The following AGBL4 variants were observed in gnomAD, a reference collection of about 807,000 sequenced individuals.
AGBL4 encodes AGBL carboxypeptidase 4.
In AGBL4, 58 loss-of-function variants were observed where a neutral mutation model predicts 66.4. That is an observed-to-expected ratio of 0.87 (90% CI 0.71 to 1.09). AGBL4 has a LOEUF of 1.09. AGBL4 is among the 50% of genes least tolerant of loss of function. The probability of loss-of-function intolerance (pLI) is 0.00; values close to 1 mark genes in which losing one functional copy is unlikely to be tolerated. For synonymous variants in AGBL4, 234 were observed against 222.9 expected (o/e 1.05, Z -0.44); for missense variants, 579 against 631.0 (o/e 0.92, Z 0.88).
chr1:49,804,055 T>C (rs1164752208), intron 2 of AGBL4, among the ~76,000 whole-genome samples: 1 of 152,184 alleles, frequency 6.6e-6, no homozygotes. Flanking sequence ...CTTACCTGGT[T>C]GGAATTTTTT....
intron 3 of AGBL4, among the ~76,000 whole-genome samples, chr1:49,395,743 A>G (rs1013144321): frequency 7.0e-5 from 10 of 142,504 alleles, no homozygotes; most frequent in East Asian, 6.0e-4. Flanking sequence ...GTATATATAT[A>G]TATGTATATA....
chr1:49,581,368 T>G (rs539285251), intron 3 of AGBL4, among the ~76,000 whole-genome samples: 1 of 152,280 alleles, frequency 6.6e-6, no homozygotes, highest in African/African-American at 2.4e-5. Context: ...TAGAATCTGT[T>G]GTTGGAAAAT....
At chr1:49,558,396 G>A (rs1643953129) in intron 3 of AGBL4, among the ~76,000 whole-genome samples, 1 of 152,158 alleles carries the variant, frequency 6.6e-6, no homozygotes, top group African/African-American at 2.4e-5. Context: ...ACACTGGAGT[G>A]CAGTGGTGCG....
intron 4 of AGBL4, among the ~76,000 whole-genome samples, chr1:49,161,572 G>A (rs1168253031): frequency 6.6e-6 from 1 of 152,148 alleles, no homozygotes; most frequent in Non-Finnish European, 1.5e-5. Flanking sequence ...GACTTTCTTA[G>A]GTTTGGACGA....
chr1:48,933,927 T>C (rs1385811723), intron 5 of AGBL4, among the ~76,000 whole-genome samples: 1 of 152,220 alleles, frequency 6.6e-6, no homozygotes, highest in African/African-American at 2.4e-5. Context: ...CTGATTTGCA[T>C]CTTCTTGGTT....
intron 8 of AGBL4, among the ~76,000 whole-genome samples, chr1:48,645,830 G>C (rs1645826003): frequency 6.6e-6 from 1 of 152,120 alleles, no homozygotes; most frequent in Non-Finnish European, 1.5e-5. Flanking sequence ...GACAGACAAT[G>C]ACAAACATCT....
chr1:49,510,408 T>G (rs1649110886), intron 3 of AGBL4, among the ~76,000 whole-genome samples: 1 of 151,330 alleles, frequency 6.6e-6, no homozygotes, highest in Non-Finnish European at 1.5e-5. Flanking sequence ...TTCATGTCCT[T>G]TGCCCACTTT....
At chr1:49,313,235 T>C (rs1026159535) in intron 3 of AGBL4, among the ~76,000 whole-genome samples, 1 of 152,174 alleles carries the variant, frequency 6.6e-6, no homozygotes, top group Non-Finnish European at 1.5e-5. Flanking sequence ...TAGTATTCCA[T>C]GGTGTATATG....
At chr1:49,997,795 A>G (rs1457729314) in intron 1 of AGBL4, among the ~76,000 whole-genome samples, 3 of 152,234 alleles carry the variant, frequency 2.0e-5, no homozygotes, top group Non-Finnish European at 4.4e-5. Flanking sequence ...AAGATAGACC[A>G]TATGATAGGG....
rs377568227 is a variant in AGBL4, at chr1:49,281,597, G to A, written c.283-35733C>T. Among the ~76,000 whole-genome samples the A allele has an allele frequency of 2.6e-5, 4 of 152,328 alleles. 1 individual carries two copies. The highest frequency in any genetic ancestry group is 9.6e-5 in the African/African-American group (4 of 41,568). On this transcript the variant is annotated intron_variant, in intron 3 of 13. Transcript: ENST00000371839. ...TCAACTTTCCAATGATAATACAGCT[G>A]TATGTGGCAACACGATACTGTGATT...
At chr1:49,074,947 CAAGACAA>C (rs1644681871) in intron 4 of AGBL4, among the ~76,000 whole-genome samples, 1 of 152,010 alleles carries the variant, frequency 6.6e-6, no homozygotes, top group African/African-American at 2.4e-5. Context: ...GTATACGCAC[CAAGACAA>C]AATATTAGGC....
intron 3 of AGBL4, among the ~76,000 whole-genome samples, chr1:49,558,770 T>C (rs1318969975): frequency 6.6e-6 from 1 of 152,172 alleles, no homozygotes; most frequent in African/African-American, 2.4e-5. Flanking sequence ...TTAAGAGCTC[T>C]TGAGCCTTAA....
chr1:49,142,494 G>A (rs1646138431), intron 4 of AGBL4, among the ~76,000 whole-genome samples: 1 of 152,162 alleles, frequency 6.6e-6, no homozygotes, highest in Non-Finnish European at 1.5e-5. Context: ...AATGAAATAA[G>A]ATTAATAACA....
At chr1:49,024,694 A>G (rs985826075) in intron 5 of AGBL4, among the ~76,000 whole-genome samples, 1 of 152,184 alleles carries the variant, frequency 6.6e-6, no homozygotes, top group African/African-American at 2.4e-5. Context: ...TTTAATTTTT[A>G]TATGACAAAT....
In AGBL4 at chr1:49,255,146, A is replaced by G. The variant is rs182630539; in HGVS notation, c.283-9282T>C. Reference sequence around the variant, plus strand: ...AGATGTCAAAAGCAACTACAACAAAAGCAAAAGTTGATAAATGGCATCTAA... The same window carrying G: ...AGATGTCAAAAGCAACTACAACAAAGGCAAAAGTTGATAAATGGCATCTAA... On this transcript the variant is annotated intron_variant, in intron 3 of 13. Coordinates refer to ENST00000371839, the MANE Select transcript of AGBL4 (RefSeq NM_032785.4). Among the ~76,000 whole-genome samples the G allele has an allele frequency of 7.4e-4, 113 of 152,344 alleles. 1 individual carries two copies. The highest frequency in any genetic ancestry group is 2.6e-3 in the African/African-American group (109 of 41,592).
intron 6 of AGBL4, among the ~76,000 whole-genome samples, chr1:48,721,587 C>G (rs1465001384): frequency 1.3e-5 from 2 of 152,188 alleles, no homozygotes; most frequent in Admixed American, 1.3e-4. Flanking sequence ...GGACTCCTCA[C>G]AGAACAATCA....
chr1:48,648,444 C>T lies in AGBL4; in HGVS notation c.839+4893G>A, dbSNP rs111707151. Among the ~76,000 whole-genome samples the T allele has an allele frequency of 3.6e-3, 541 of 152,308 alleles. 1 individual carries two copies. Among genetic ancestry groups the T allele is most frequent in the Non-Finnish European group, 6.5e-3 (441 of 68,032 alleles). ...CTAAATGATGGAAGGTGCCTTTCATCCCACTTCCCTCTTCCAAGAGAGTAG... is the reference window on the plus strand; with the variant it reads ...CTAAATGATGGAAGGTGCCTTTCATTCCACTTCCCTCTTCCAAGAGAGTAG... On this transcript the variant is annotated intron_variant, in intron 8 of 13. Transcript: ENST00000371839.
At chr1:49,403,978 T>A (rs1265495409) in intron 3 of AGBL4, among the ~76,000 whole-genome samples, 2 of 152,146 alleles carry the variant, frequency 1.3e-5, no homozygotes, top group Non-Finnish European at 1.5e-5. Context: ...TCCCTCCCAT[T>A]TATCTGAGTA....
At chr1:49,537,105 G>A (rs1441447909) in intron 3 of AGBL4, among the ~76,000 whole-genome samples, 1 of 151,784 alleles carries the variant, frequency 6.6e-6, no homozygotes, top group Non-Finnish European at 1.5e-5. Flanking sequence ...CAGAAGAATG[G>A]AACTGGACCC....
Sources: gnomAD v4.1 joint callset for allele counts (sites outside exome capture counted in the v4.1 genomes callset) on GRCh38, gnomAD v4.1.1 for gene constraint, MANE v1.5 for transcripts, NCBI Gene and HGNC (gene_info 2026-07-23, HGNC 2026-07-21) for gene names.